SMYD3: variants seen among roughly 807,000 people sequenced by gnomAD.
The protein encoded by SMYD3 is histone-lysine N-methyltransferase SMYD3.
A neutral mutation model predicts 57.7 loss-of-function variants in SMYD3; 36 were observed. The observed-to-expected ratio is 0.62, with a 90% CI of 0.48 to 0.82. The LOEUF (loss-of-function observed/expected upper bound fraction) is 0.82. Among genes scored for constraint, SMYD3 ranks in the 40% least tolerant of loss-of-function variants. The probability of loss-of-function intolerance (pLI) is 0.00; values close to 1 mark genes in which losing one functional copy is unlikely to be tolerated. For missense variants in SMYD3, 515 were observed against 538.8 expected (o/e 0.96, Z 0.44); for synonymous variants, 211 against 195.0 (o/e 1.08, Z -0.68).
At chr1:246,305,942 G>A (rs2064969889) in intron 5 of SMYD3, 1 of 152,032 alleles carries the variant, frequency 6.6e-6, no homozygotes, top group South Asian at 2.1e-4. Context: ...AAGAGCTATT[G>A]TTGATAGGTG....
chr1:245,761,157 GCCA>G (rs1157593858), intron 11 of SMYD3, among the ~76,000 whole-genome samples: 1 of 152,092 alleles, frequency 6.6e-6, no homozygotes, highest in East Asian at 1.9e-4. Context: ...TTTGGGTAAG[GCCA>G]CCATTTAACC....
At chr1:246,159,135 G>GT (rs2062072848) in intron 5 of SMYD3, among the ~76,000 whole-genome samples, 1 of 152,078 alleles carries the variant, frequency 6.6e-6, no homozygotes, top group Non-Finnish European at 1.5e-5. Context: ...ATTAAAAAAG[G>GT]TTTTTCTAAA....
intron 10 of SMYD3, among the ~76,000 whole-genome samples, chr1:245,801,518 G>A (rs77536541): frequency 0.038 from 5,737 of 152,242 alleles, 199 homozygotes; most frequent in African/African-American, 0.087. Context: ...CAGCTGCTAC[G>A]AAGCTCAGAG....
intron 1 of SMYD3, among the ~76,000 whole-genome samples, chr1:246,463,467 T>C (rs1465100366): frequency 6.6e-6 from 1 of 151,862 alleles, no homozygotes; most frequent in Non-Finnish European, 1.5e-5. Context: ...TTTAAACATG[T>C]GGAATTTCCA....
At chr1:245,909,929 C>T (rs2054848660) in intron 8 of SMYD3, among the ~76,000 whole-genome samples, 1 of 152,104 alleles carries the variant, frequency 6.6e-6, no homozygotes, top group Admixed American at 6.5e-5. Context: ...ACTTTCACCA[C>T]TTTTACTCAA....
intron 5 of SMYD3, among the ~76,000 whole-genome samples, chr1:246,149,037 A>G (rs1378727047): frequency 2.0e-5 from 3 of 152,230 alleles, no homozygotes; most frequent in Admixed American, 6.5e-5. Flanking sequence ...CAAGGAGTAG[A>G]CGCCTCATTT....
intron 1 of SMYD3, among the ~76,000 whole-genome samples, chr1:246,360,120 G>C (rs571250069): frequency 6.6e-6 from 1 of 152,240 alleles, no homozygotes; most frequent in Non-Finnish European, 1.5e-5. Context: ...AAAGTTTCAG[G>C]ATACAAAATT....
chr1:245,754,853 A>G (rs893899460), intron 11 of SMYD3, among the ~76,000 whole-genome samples: 1 of 152,232 alleles, frequency 6.6e-6, no homozygotes, highest in Admixed American at 6.5e-5. Context: ...TGTAAATACC[A>G]GATCATTGCA....
chr1:246,155,593 C>T (rs944350657), intron 5 of SMYD3, among the ~76,000 whole-genome samples: 4 of 152,194 alleles, frequency 2.6e-5, no homozygotes, highest in Admixed American at 2.0e-4. Context: ...CTTATTGGTT[C>T]ATCTTTCACC....
intron 5 of SMYD3, among the ~76,000 whole-genome samples, chr1:246,188,193 T>A (rs1176744966): frequency 6.6e-6 from 1 of 152,080 alleles, no homozygotes; most frequent in African/African-American, 2.4e-5. Context: ...GCAAGAGCAA[T>A]GAGTTGCACA....
rs373940154 is a variant in SMYD3, at chr1:246,476,287, A to G, written c.164+30767T>C. Among the ~76,000 whole-genome samples, 9 of 152,342 alleles carry G rather than the reference A, an allele frequency of 5.9e-5. No individual in the cohort carries two copies. In the South Asian group the frequency reaches 1.7e-3, roughly 28 times the overall value. On this transcript the variant is annotated intron_variant, in intron 1 of 11. Coordinates refer to ENST00000490107, the MANE Select transcript of SMYD3 (RefSeq NM_001167740.2). ...GATGCAGAGGTTAAATTACTTGCCCAATGTCACAAAGTTAGTAAGTCTCAG... is the reference window on the plus strand; with the variant it reads ...GATGCAGAGGTTAAATTACTTGCCCGATGTCACAAAGTTAGTAAGTCTCAG...
intron 1 of SMYD3, among the ~76,000 whole-genome samples, chr1:246,420,495 T>C (rs1408009059): frequency 2.0e-5 from 3 of 152,364 alleles, no homozygotes; most frequent in Admixed American, 1.3e-4. Context: ...GGTTCGTTTG[T>C]AAATAATTTA....
chr1:246,313,340 AC>A (rs1265706560), intron 5 of SMYD3, among the ~76,000 whole-genome samples: 2 of 152,174 alleles, frequency 1.3e-5, no homozygotes, highest in Non-Finnish European at 2.9e-5. Flanking sequence ...AACCTGAAAG[AC>A]CCACAGCCAC....
At chr1:246,455,328 T>C (rs1247907772) in intron 1 of SMYD3, among the ~76,000 whole-genome samples, 1 of 152,194 alleles carries the variant, frequency 6.6e-6, no homozygotes, top group African/African-American at 2.4e-5. Flanking sequence ...GGAATATGAA[T>C]TGGAAATAAA....
intron 1 of SMYD3, among the ~76,000 whole-genome samples, chr1:246,363,824 CT>C (rs1277474620): frequency 6.6e-6 from 1 of 152,052 alleles, no homozygotes; most frequent in Non-Finnish European, 1.5e-5. Context: ...AACCAGAGAC[CT>C]TTGTTCACTT....
At chr1:246,091,318 G>T (rs558104530) in intron 5 of SMYD3, among the ~76,000 whole-genome samples, 4 of 152,210 alleles carry the variant, frequency 2.6e-5, no homozygotes, top group Non-Finnish European at 5.9e-5. Context: ...CTCCTGGACT[G>T]ACCCCAGCCT....
chr1:246,118,503 AAGCT>A (rs2061374875), intron 5 of SMYD3, among the ~76,000 whole-genome samples: 1 of 152,214 alleles, frequency 6.6e-6, no homozygotes, highest in Non-Finnish European at 1.5e-5. Context: ...CAAATGCCTC[AAGCT>A]AGAACCATCA....
chr1:245,781,535 T>A (rs2046825719), intron 10 of SMYD3, among the ~76,000 whole-genome samples: 1 of 152,196 alleles, frequency 6.6e-6, no homozygotes, highest in South Asian at 2.1e-4. Context: ...TTTATATACC[T>A]AACTCTCTGC....
Position 245,956,216 on chromosome 1 carries a change from C to T in SMYD3, c.532-26279G>A, listed in dbSNP as rs149210305. 833 of 220,774 alleles carry T rather than the reference C, an allele frequency of 3.8e-3. 6 individuals are homozygous for T. Among genetic ancestry groups the T allele is most frequent in the Non-Finnish European group, 5.2e-3 (682 of 130,786 alleles). The allele number at this position is 220,774 out of a possible 1,614,324, so 13.7% of individuals were successfully genotyped here. A position where few individuals can be genotyped will look rare whatever the true frequency, so the allele number is the denominator to read the frequency against. Reference sequence around the variant, plus strand: ...TATAGGCGTGAGCCACAGTATTCAGCCTCTTGGTATTTTCTATACTAGCAC... The same window carrying T: ...TATAGGCGTGAGCCACAGTATTCAGTCTCTTGGTATTTTCTATACTAGCAC... On this transcript the variant is annotated intron_variant, in intron 5 of 11. Transcript: ENST00000490107.
Sources: gnomAD v4.1 joint callset for allele counts (sites outside exome capture counted in the v4.1 genomes callset) on GRCh38, gnomAD v4.1.1 for gene constraint, MANE v1.5 for transcripts, NCBI Gene and HGNC (gene_info 2026-07-23, HGNC 2026-07-21) for gene names.